Variants in CPSF6 observed in about 807,000 individuals in gnomAD.
CPSF6 encodes the protein cleavage and polyadenylation specific factor 6.
In CPSF6, 10 loss-of-function variants were observed where a neutral mutation model predicts 56.7. The ratio of observed to expected loss-of-function variants is 0.18; its 90% CI spans 0.11 to 0.30. The LOEUF is 0.30. Among genes scored for constraint, CPSF6 ranks in the 10% least tolerant of loss-of-function variants. The probability of loss-of-function intolerance (pLI) is 1.00; values close to 1 mark genes in which losing one functional copy is unlikely to be tolerated. For missense variants in CPSF6, 419 were observed against 722.9 expected (o/e 0.58, Z 4.82); for synonymous variants, 248 against 244.8 (o/e 1.01, Z -0.12).
intron 3 of CPSF6, among the ~76,000 whole-genome samples, chr12:69,256,314 CTG>C (rs1414327220): frequency 2.6e-5 from 4 of 152,138 alleles, no homozygotes; most frequent in East Asian, 1.9e-4. Context: ...GGTTATAACA[CTG>C]TGAAATACTA....
In CPSF6 at chr12:69,271,788, A is replaced by C. The variant is rs1169173024; in HGVS notation, c.*2280A>C. On this transcript the variant is annotated 3_prime_UTR_variant, in exon 10 of 10. Transcript: ENST00000435070. ...AATTGCAGGCCTTGTTTTGTTCTTC[A>C]TACCCCCTTCAGTTGTTTATGGGTT... 1 of 151,684 alleles carries C rather than the reference A, an allele frequency of 6.6e-6. No homozygotes were observed. Among genetic ancestry groups the C allele is most frequent in the African/African-American group, 2.4e-5 (1 of 41,396 alleles). The allele number at this position is 151,684 out of a possible 1,614,324, so 9.4% of individuals were successfully genotyped here. A position where few individuals can be genotyped will look rare whatever the true frequency, so the allele number is the denominator to read the frequency against.
chr12:69,245,285 G>C (rs1160030390), intron 1 of CPSF6, among the ~76,000 whole-genome samples: 1 of 151,992 alleles, frequency 6.6e-6, no homozygotes, highest in East Asian at 1.9e-4. Context: ...GGAATGCATT[G>C]GGCTAAGATC....
intron 2 of CPSF6, among the ~76,000 whole-genome samples, chr12:69,252,405 C>A (rs1280586243): frequency 6.6e-6 from 1 of 152,178 alleles, no homozygotes; most frequent in Non-Finnish European, 1.5e-5. Context: ...TGTAACAGAT[C>A]TCCCACCACC....
At chr12:69,254,373 TTTCTC>T (rs1330562394) in intron 3 of CPSF6, among the ~76,000 whole-genome samples, 1 of 152,178 alleles carries the variant, frequency 6.6e-6, no homozygotes, top group Non-Finnish European at 1.5e-5. Flanking sequence ...CTTTAGCTGT[TTTCTC>T]TTCTTGGTTT....
At chr12:69,248,717 G>A (rs112715652) in intron 1 of CPSF6, among the ~76,000 whole-genome samples, 1 of 152,096 alleles carries the variant, frequency 6.6e-6, no homozygotes, top group African/African-American at 2.4e-5. Context: ...TCTGCCCTTT[G>A]TTAAATTTAG....
intron 8 of CPSF6, among the ~76,000 whole-genome samples, chr12:69,262,097 A>G (rs1041903718): frequency 1.4e-5 from 2 of 140,374 alleles, no homozygotes; most frequent in Admixed American, 1.5e-4. Flanking sequence ...AGTAAATACT[A>G]CACATCTGTT....
chr12:69,258,760 T>C lies in CPSF6; in HGVS notation c.865T>C (p.Leu289=), dbSNP rs746669668. The C allele has an allele frequency of 1.2e-6, 2 of 1,613,970 alleles. No individual in the cohort carries two copies. The highest frequency in any genetic ancestry group is 1.7e-4 in the Middle Eastern group (1 of 6,060). The change falls in exon 6 of 10, where the codon TTG becomes CTG. Residue 289 remains leucine, a synonymous_variant. Transcript: ENST00000435070. This position sits in a 1 kb window ranked among gnomAD's most constrained non-coding sequence, Gnocchi z 4.2. ...FPGQPFGQPP[L]GPLPPGPPPP... ...TGGACAACCTTTTGGGCAGCCTCCA[T>C]TGGGTCCACTTCCTCCTGGCCCTCC...
intron 9 of CPSF6, among the ~76,000 whole-genome samples, chr12:69,266,141 C>T (rs1016652606): frequency 2.4e-4 from 37 of 151,784 alleles, no homozygotes; most frequent in African/African-American, 7.5e-4. Context: ...TCTTAATTAC[C>T]TGGTGAATGA....
At position 69,256,704 on chromosome 12, in the gene CPSF6, C is replaced by T. The variant is rs1565647117; in HGVS notation, c.382C>T (p.Leu128Phe). The change falls in exon 4 of 10, where the codon CTT (leucine) becomes TTT (phenylalanine). Residue 128 changes from leucine (L) to phenylalanine (F), a missense_variant. By Grantham distance (22) the Leu-to-Phe change is conservative. Coordinates refer to ENST00000435070, the MANE Select transcript of CPSF6 (RefSeq NM_007007.3). ...RANGQSKGFA[L>F]VGVGSEASSK... Reference sequence around the variant, plus strand: ...CCCTTAAACACTTTTTAGGTTTGCCCTTGTTGGTGTTGGATCTGAAGCATC... The same window carrying T: ...CCCTTAAACACTTTTTAGGTTTGCCTTTGTTGGTGTTGGATCTGAAGCATC... 4 of 1,609,750 alleles carry T rather than the reference C, an allele frequency of 2.5e-6. No individual in the cohort carries two copies. Among genetic ancestry groups the T allele is most frequent in the African/African-American group, 1.3e-5 (1 of 74,742 alleles).
At position 69,256,751 on chromosome 12, in the gene CPSF6, G is replaced by A. The variant is rs149215151; in HGVS notation, c.429G>A (p.Leu143=). The A allele has an allele frequency of 8.2e-5, 133 of 1,613,738 alleles. No individual in the cohort carries two copies. Among genetic ancestry groups the A allele is most frequent in the Non-Finnish European group, 1.0e-4 (122 of 1,179,822 alleles). The change falls in exon 4 of 10, where the codon CTG becomes CTA. Residue 143 remains leucine, a synonymous_variant. Coordinates refer to ENST00000435070, the MANE Select transcript of CPSF6 (RefSeq NM_007007.3). The part of the protein sequence containing the change: ...SEASSKKLMD[L]LPKRELHGQN... ...CATCTTCAAAAAAGTTAATGGATCT[G>A]TTACCTAAAAGAGAACTTCATGGTC...
chr12:69,243,903 G>T (rs1291561883), intron 1 of CPSF6, among the ~76,000 whole-genome samples: 1 of 152,078 alleles, frequency 6.6e-6, no homozygotes, highest in Non-Finnish European at 1.5e-5. Flanking sequence ...GTGCAGTTGT[G>T]GCTCACTGCA....
chr12:69,256,060 G>A (rs1872495620), intron 3 of CPSF6, among the ~76,000 whole-genome samples: 1 of 152,192 alleles, frequency 6.6e-6, no homozygotes, highest in African/African-American at 2.4e-5. Context: ...AAAGTAAGTG[G>A]TGATGCATGC....
chr12:69,245,628 C>CA (rs1368735833), intron 1 of CPSF6, among the ~76,000 whole-genome samples: 1 of 152,050 alleles, frequency 6.6e-6, no homozygotes, highest in South Asian at 2.1e-4. Context: ...AGAGGAAAGT[C>CA]AAAAAAATTC....
At chr12:69,250,988 A>G (rs1330755632) in intron 1 of CPSF6, 141 bp from the exon 2 acceptor site, 30 of 828,198 alleles carry the variant, frequency 3.6e-5, no homozygotes, top group Non-Finnish European at 4.6e-5. Context: ...CATCTATTGC[A>G]TAAAGTGGAA....
At position 69,272,679 on chromosome 12, in the gene CPSF6, C is replaced by G. The variant is rs1369916673; in HGVS notation, c.*3171C>G. On this transcript the variant is annotated 3_prime_UTR_variant, in exon 10 of 10. Coordinates refer to ENST00000435070, the MANE Select transcript of CPSF6 (RefSeq NM_007007.3). ...TGACTGAGAATACAGTATTGAGATT[C>G]TCTGTTTTACAGATAACAACTGGTT... 1 of 151,784 alleles carries G rather than the reference C, an allele frequency of 6.6e-6. No homozygotes were observed. Among genetic ancestry groups the G allele is most frequent in the African/African-American group, 2.4e-5 (1 of 41,408 alleles). 9.4% of individuals were successfully genotyped at this position (151,784 alleles called of 1,614,324 possible). A position where few individuals can be genotyped will look rare whatever the true frequency, so the allele number is the denominator to read the frequency against.
chr12:69,242,907 C>T (rs1164810862), intron 1 of CPSF6, among the ~76,000 whole-genome samples: 1 of 151,982 alleles, frequency 6.6e-6, no homozygotes, highest in Admixed American at 6.6e-5. Context: ...TCAGGAGTTG[C>T]AGACCAGCCT....
chr12:69,256,536 C>G (rs1872517525), intron 3 of CPSF6, among the ~76,000 whole-genome samples, 161 bp from the exon 4 acceptor site: 1 of 152,170 alleles, frequency 6.6e-6, no homozygotes, highest in East Asian at 1.9e-4. Flanking sequence ...TCAAGCAATC[C>G]TCGTGCCTCA....
At chr12:69,251,893 ATTTAT>A (rs1264319996) in intron 2 of CPSF6, among the ~76,000 whole-genome samples, 1 of 152,146 alleles carries the variant, frequency 6.6e-6, no homozygotes, top group Admixed American at 6.5e-5. Context: ...ACATATGTAT[ATTTAT>A]TTTTTATTAA....
intron 9 of CPSF6, among the ~76,000 whole-genome samples, chr12:69,264,984 C>T (rs1029407834): frequency 6.6e-6 from 1 of 152,112 alleles, no homozygotes; most frequent in South Asian, 2.1e-4. Context: ...CTAATGTAAT[C>T]TATTAAAGTG....
Sources: gnomAD v4.1 joint callset for allele counts (sites outside exome capture counted in the v4.1 genomes callset) on GRCh38, gnomAD v4.1.1 for gene constraint, Gnocchi (gnomAD v3.1) non-coding constraint, MANE v1.5 for transcripts, NCBI Gene and HGNC (gene_info 2026-07-23, HGNC 2026-07-21) for gene names.